RIMS2: variants seen among roughly 807,000 people sequenced by gnomAD.
RIMS2 encodes regulating synaptic membrane exocytosis protein 2.
In RIMS2, 59 loss-of-function variants were observed where a neutral mutation model predicts 174.4. That is an observed-to-expected ratio of 0.34 (90% confidence interval 0.27 to 0.42). The LOEUF (loss-of-function observed/expected upper bound fraction) is 0.42. Among genes scored for constraint, RIMS2 ranks in the 10% least tolerant of loss-of-function variants. The pLI is 1.00. For synonymous variants in RIMS2, 606 were observed against 572.5 expected, an observed-to-expected ratio of 1.06 and a Z score of -0.84; for missense variants, 1,620 against 1,666.3, an observed-to-expected ratio of 0.97 and a Z score of 0.48.
chr8:104,114,417 AC>A (rs2098246304), intron 19 of RIMS2, among the ~76,000 whole-genome samples: 1 of 151,984 alleles, frequency 6.6e-6, no homozygotes, highest in Admixed American at 6.6e-5. Flanking sequence ...CAATTTAAAA[AC>A]ATTGTCAGTT....
At chr8:103,550,835 G>A (rs868291497) in intron 1 of RIMS2, among the ~76,000 whole-genome samples, 10 of 152,044 alleles carry the variant, frequency 6.6e-5, no homozygotes, top group South Asian at 2.1e-4. Flanking sequence ...ACACCTCTGC[G>A]CAAATAAAGT....
intron 15 of RIMS2, among the ~76,000 whole-genome samples, chr8:103,965,227 T>A (rs192832845): frequency 3.2e-4 from 48 of 152,304 alleles, no homozygotes; most frequent in African/African-American, 1.1e-3. Flanking sequence ...TTGCTTTGAA[T>A]CTGTAGGTCA....
At chr8:103,858,079 A>AAC (rs1443123742) in intron 3 of RIMS2, among the ~76,000 whole-genome samples, 4 of 152,226 alleles carry the variant, frequency 2.6e-5, no homozygotes, top group Non-Finnish European at 5.9e-5. Context: ...CTTGTTGTAC[A>AAC]GAGAAATAAA....
chr8:104,065,185 G>A (rs1404835962), intron 19 of RIMS2, among the ~76,000 whole-genome samples: 1 of 151,974 alleles, frequency 6.6e-6, no homozygotes, highest in African/African-American at 2.4e-5. Context: ...GATTTTTACT[G>A]TCAATCTGAG....
At chr8:104,140,470 A>C (rs1340354738) in intron 19 of RIMS2, among the ~76,000 whole-genome samples, 1 of 152,084 alleles carries the variant, frequency 6.6e-6, no homozygotes, top group Admixed American at 6.6e-5. Context: ...ACTATGTCTC[A>C]TGTCTTATTT....
intron 11 of RIMS2, among the ~76,000 whole-genome samples, chr8:103,930,078 A>G (rs1315697503): frequency 6.6e-6 from 1 of 152,008 alleles, no homozygotes; most frequent in Non-Finnish European, 1.5e-5. Context: ...ATACTTGTCT[A>G]GGGTCTATTT....
chr8:103,961,148 ATTATT>A lies in RIMS2; in HGVS notation c.2770+20_2770+24del. 1 of 1,135,038 alleles carries A rather than the reference ATTATT, an allele frequency of 8.8e-7. No homozygotes were observed. The highest frequency in any genetic ancestry group is 1.3e-6 in the Non-Finnish European group (1 of 746,326). The allele number at this position is 1,135,038 out of a possible 1,614,324, so 70.3% of individuals were successfully genotyped here. On this transcript the variant is annotated intron_variant, in intron 15 of 23. Transcript: ENST00000504942. ...TGTAGTATCAGGTAAGAATTTTAGA[ATTATT>A]TTATAGTATTAAAAAGGGAGTGCAA...
chr8:103,665,144 G>C (rs1020855512), intron 1 of RIMS2, among the ~76,000 whole-genome samples: 1 of 152,222 alleles, frequency 6.6e-6, no homozygotes, highest in Non-Finnish European at 1.5e-5. Flanking sequence ...GAGCCTGGGG[G>C]AGGGATAGAA....
chr8:103,858,500 C>T (rs1168404691), intron 3 of RIMS2, among the ~76,000 whole-genome samples: 1 of 151,848 alleles, frequency 6.6e-6, no homozygotes, highest in Non-Finnish European at 1.5e-5. Context: ...TGGCCGAGCT[C>T]ATCTAATTCA....
chr8:103,556,035 G>A (rs1333203860), intron 1 of RIMS2, among the ~76,000 whole-genome samples: 1 of 152,118 alleles, frequency 6.6e-6, no homozygotes, highest in Admixed American at 6.6e-5. Flanking sequence ...CAGGGACTCT[G>A]TGGTGGGGTT....
At chr8:103,876,407 T>C (rs372522798) in intron 3 of RIMS2, among the ~76,000 whole-genome samples, 66 of 151,918 alleles carry the variant, frequency 4.3e-4, no homozygotes, top group African/African-American at 1.6e-3. Context: ...ACTTATATTT[T>C]AAAAAACACC....
At chr8:104,122,113 CAG>C (rs974867129) in intron 19 of RIMS2, among the ~76,000 whole-genome samples, 4 of 151,994 alleles carry the variant, frequency 2.6e-5, no homozygotes, top group Non-Finnish European at 4.4e-5. Flanking sequence ...AGAAGGGTGA[CAG>C]TGTGTGTCAG....
At chr8:103,899,694 C>A (rs1444800755) in intron 4 of RIMS2, among the ~76,000 whole-genome samples, 9 of 151,660 alleles carry the variant, frequency 5.9e-5, no homozygotes, top group African/African-American at 2.2e-4. Context: ...ATGGTAGTTT[C>A]TTTTGCTGTG....
At chr8:103,513,325 A>G (rs933965336) in intron 1 of RIMS2, among the ~76,000 whole-genome samples, 1 of 152,230 alleles carries the variant, frequency 6.6e-6, no homozygotes, top group Non-Finnish European at 1.5e-5. Flanking sequence ...AAGCTGTGCT[A>G]TCTTGAAGAA....
rs61691382 is a variant in RIMS2 at position 104,145,671 on chromosome 8, CAATAAATAAATA to C, written c.3335-99213_3335-99202del. ...AGAAACCCCGTCTCTACTAAAAATA[CAATAAATAAATA>C]AATAAATAAATAAATAAATAAATAA... On this transcript the variant is annotated intron_variant, in intron 19 of 23. Coordinates refer to ENST00000504942, the Ensembl canonical transcript of RIMS2. Among the ~76,000 whole-genome samples, 1,212 of 132,682 alleles carry C rather than the reference CAATAAATAAATA, an allele frequency of 9.1e-3. 21 individuals are homozygous for C. The highest frequency in any genetic ancestry group is 0.03 in the African/African-American group (1,029 of 34,438). The allele number at this position is 132,682 out of a possible 152,430, so 87.0% of individuals were successfully genotyped here.
Position 104,148,600 on chromosome 8 carries a change from C to T in RIMS2, c.3335-96316C>T, listed in dbSNP as rs1017487615. ...GTCCTCACTTTTAATGATCCATCGGCTGACAGTGTCTTTACATCCAAAATG... is the reference window on the plus strand; with the variant it reads ...GTCCTCACTTTTAATGATCCATCGGTTGACAGTGTCTTTACATCCAAAATG... On this transcript the variant is annotated intron_variant, in intron 19 of 23. Coordinates refer to ENST00000504942, the Ensembl canonical transcript of RIMS2. 4 of 1,595,730 alleles carry T rather than the reference C, an allele frequency of 2.5e-6. No individual in the cohort carries two copies. The Admixed American group carries it at 5.0e-5, about 20-fold the overall frequency.
At chr8:104,146,142 A>T (rs998001223) in intron 19 of RIMS2, among the ~76,000 whole-genome samples, 2 of 144,802 alleles carry the variant, frequency 1.4e-5, no homozygotes, top group African/African-American at 5.1e-5. Flanking sequence ...AGGAGAGAGG[A>T]TCACTTGCGT....
intron 19 of RIMS2, among the ~76,000 whole-genome samples, chr8:104,035,250 CTG>C (rs2096489835): frequency 7.3e-6 from 1 of 137,726 alleles, no homozygotes; most frequent in Non-Finnish European, 1.6e-5. Flanking sequence ...TGGAAAATAA[CTG>C]TTTTTTTTTT....
intron 4 of RIMS2, among the ~76,000 whole-genome samples, chr8:103,893,217 C>A (rs1202270135): frequency 6.6e-6 from 1 of 151,928 alleles, no homozygotes; most frequent in Admixed American, 6.6e-5. Context: ...AATAAGATAG[C>A]ATTTTTTCTT....
Sources: gnomAD v4.1 joint callset for allele counts (sites outside exome capture counted in the v4.1 genomes callset) on GRCh38, gnomAD v4.1.1 for gene constraint, MANE v1.5 for transcripts, NCBI Gene and HGNC (gene_info 2026-07-23, HGNC 2026-07-21) for gene names.